Variants in GIT2 observed in about 807,000 individuals in gnomAD.
GIT2 encodes ARF GTPase-activating protein GIT2.
GIT2 carries 32 observed loss-of-function variants against 100.3 expected under a neutral mutation model. That is an observed-to-expected ratio of 0.32 (90% CI 0.24 to 0.43). The LOEUF (loss-of-function observed/expected upper bound fraction) is 0.43, where lower values mean the gene tolerates loss of function less well. Ranked by LOEUF, GIT2 falls within the 20% of genes least tolerant of loss-of-function variation. The pLI is 1.00. For synonymous variants in GIT2, 353 were observed against 364.1 expected (o/e 0.97, Z 0.35); for missense variants, 737 against 975.1 (o/e 0.76, Z 3.25).
intron 18 of GIT2, among the ~76,000 whole-genome samples, chr12:109,935,454 C>T (rs533111807): frequency 4.5e-4 from 68 of 152,244 alleles, no homozygotes; most frequent in African/African-American, 1.4e-3. Context: ...GGTGCAATCT[C>T]GGCTCACTGC....
intron 12 of GIT2, among the ~76,000 whole-genome samples, chr12:109,956,944 G>A (rs1178581267): frequency 6.6e-6 from 1 of 151,954 alleles, no homozygotes; most frequent in Non-Finnish European, 1.5e-5. Flanking sequence ...CTTGAGCCTG[G>A]GTGGCAGAGG....
chr12:109,945,441 C>T (rs1355672495), intron 15 of GIT2, 92 bp from the exon 16 acceptor site: 1 of 717,116 alleles, frequency 1.4e-6, no homozygotes, highest in African/African-American at 1.7e-5. Context: ...TCCTGGAACA[C>T]CACACATTAT....
Position 109,947,331 on chromosome 12 carries a change from C to A in GIT2, c.1566G>T (p.Gln522His). The change falls in exon 15 of 20, where the codon CAG (glutamine) becomes CAT (histidine). Residue 522 changes from glutamine (Q) to histidine (H), a missense_variant. By Grantham distance (24) the Gln-to-His change is conservative. Around this residue, in one of 3 missense-constraint regions of GIT2, gnomAD observed 451 missense variants for 543.7 expected, o/e 0.83. Coordinates refer to ENST00000355312, the MANE Select transcript of GIT2 (RefSeq NM_057169.5). The surrounding 1 kb of genome is among the most constrained non-coding windows in gnomAD (Gnocchi z 4.3). ...CTTCTCCCATTGGGAGATATGGTTT[C>A]TGACCTGATCCGGTCTCGTACATGG... The part of the protein sequence containing the change: ...PMSMYETGSG[Q>H]KPYLPMGEAS... The A allele has an allele frequency of 1.2e-6, 2 of 1,614,134 alleles. No individual in the cohort carries two copies. The highest frequency in any genetic ancestry group is 1.7e-6 in the Non-Finnish European group (2 of 1,179,968).
intron 7 of GIT2, among the ~76,000 whole-genome samples, chr12:109,970,620 C>T (rs1883619702): frequency 2.0e-5 from 3 of 152,042 alleles, no homozygotes; most frequent in Admixed American, 2.0e-4. Flanking sequence ...ATTCTCTATA[C>T]TGTTTCAATG....
intron 18 of GIT2, among the ~76,000 whole-genome samples, chr12:109,935,861 C>G (rs992142127): frequency 1.3e-5 from 2 of 152,204 alleles, no homozygotes; most frequent in African/African-American, 2.4e-5. Flanking sequence ...AAAGCGAGCA[C>G]ACCCGGATTA....
At chr12:109,949,037 A>G (rs1397564479) in intron 14 of GIT2, 1 of 580,440 alleles carries the variant, frequency 1.7e-6, no homozygotes, top group East Asian at 2.9e-5. Flanking sequence ...AAGACCACTC[A>G]TTCTGTTTCT....
rs1352887752 is a variant in GIT2, at chr12:109,961,330, G to A, written c.935C>T (p.Thr312Met). The A allele has an allele frequency of 6.2e-6, 10 of 1,613,360 alleles. No individual in the cohort carries two copies. The highest frequency in any genetic ancestry group is 1.7e-5 in the Admixed American group (1 of 59,986). Residue 312 changes from threonine (T) to methionine (M), a missense_variant, in exon 11 of 20, where the codon ACG becomes ATG. By Grantham distance (81) the Thr-to-Met change is moderately conservative. Coordinates refer to ENST00000355312, the MANE Select transcript of GIT2 (RefSeq NM_057169.5). Reference protein sequence around the residue: ...QNHSALVTETTVVPFLPVNPE... With the variant: ...QNHSALVTETMVVPFLPVNPE... The stretch of plus-strand genomic sequence containing the variant: ...ATTGACCGGAAGAAAGGGGACGACC[G>A]TTGTCTCGGTTACCAGGGCGCTGTG...
intron 7 of GIT2, among the ~76,000 whole-genome samples, chr12:109,979,066 A>C (rs1388242612): frequency 6.6e-6 from 1 of 152,082 alleles, no homozygotes; most frequent in Admixed American, 6.6e-5. Context: ...AAAGACAAGC[A>C]ATCAGGATCC....
chr12:109,962,087 G>A lies in GIT2; in HGVS notation c.817-402C>T, dbSNP rs12303221. Among the ~76,000 whole-genome samples the A allele has an allele frequency of 0.082, 12,516 of 152,220 alleles. 551 individuals are homozygous for A. Among genetic ancestry groups the A allele is most frequent in the Middle Eastern group, 0.13 (37 of 294 alleles). ...TGCAAAAACAGCCAGGCTCAGTGGT[G>A]CACACCTATAATCCCAGCACTTTGG... On this transcript the variant is annotated intron_variant, in intron 9 of 19. Coordinates refer to ENST00000355312, the MANE Select transcript of GIT2 (RefSeq NM_057169.5). This position sits in a 1 kb window ranked among gnomAD's most constrained non-coding sequence, Gnocchi z 4.3.
chr12:109,978,581 T>C (rs541165217), intron 7 of GIT2, among the ~76,000 whole-genome samples: 18 of 152,316 alleles, frequency 1.2e-4, no homozygotes, highest in Non-Finnish European at 2.4e-4. Flanking sequence ...TAATTTCTAG[T>C]GATCTGTTTT....
rs958800073 is a variant in GIT2, at chr12:109,970,949, A to G, written c.719-3446T>C. On this transcript the variant is annotated intron_variant, in intron 7 of 19. Transcript: ENST00000355312. ...AGACCACAGGCATGCACCATCACAC[A>G]TGGCTAATTTATTATTTGTAGAGAT... Among the ~76,000 whole-genome samples, 77 of 152,086 alleles carry G rather than the reference A, an allele frequency of 5.1e-4. 1 individual carries two copies. Among genetic ancestry groups the G allele is most frequent in the Non-Finnish European group, 1.3e-4 (9 of 67,990 alleles).
In GIT2 at chr12:109,939,427, C is replaced by T. The variant is rs1592952085; in HGVS notation, c.1732-180G>A. 3 of 496,608 alleles carry T rather than the reference C, an allele frequency of 6.0e-6. No individual in the cohort carries two copies. The East Asian group carries it at 1.1e-4, about 19-fold the overall frequency. 30.8% of individuals were successfully genotyped at this position (496,608 alleles called of 1,614,324 possible). Reference sequence around the variant, plus strand: ...TGAATATTGGATCCAGAAATGGCCTCTTTCCTTCTTTGCACCATTTTCTTC... The same window carrying T: ...TGAATATTGGATCCAGAAATGGCCTTTTTCCTTCTTTGCACCATTTTCTTC... On this transcript the variant is annotated intron_variant, in intron 16 of 19. Transcript: ENST00000355312.
intron 10 of GIT2, 86 bp from the exon 11 acceptor site, chr12:109,961,461 G>A (rs1881062991): frequency 1.0e-6 from 1 of 975,634 alleles, no homozygotes; most frequent in Non-Finnish European, 1.7e-6. Context: ...ACTACGAGGG[G>A]AAACACACTC....
At position 109,930,034 on chromosome 12, in the gene GIT2, A is replaced by T. The variant is rs1319275758; in HGVS notation, c.*2944T>A. The stretch of plus-strand genomic sequence containing the variant: ...CCAGGACAAGGAAAGAAAGAAAACT[A>T]TACTATTGGAAAGCTCATGGGTGCC... On this transcript the variant is annotated 3_prime_UTR_variant, in exon 20 of 20. Transcript: ENST00000355312. The T allele has an allele frequency of 6.6e-6, 1 of 152,566 alleles. No individual in the cohort carries two copies. Among genetic ancestry groups the T allele is most frequent in the Admixed American group, 6.5e-5 (1 of 15,290 alleles). The allele number at this position is 152,566 out of a possible 1,614,324, so 9.5% of individuals were successfully genotyped here.
At chr12:109,998,259 T>C (rs1354593620), upstream of GIT2, 2 of 152,228 alleles carry the variant, frequency 1.3e-5, no homozygotes, top group Non-Finnish European at 2.9e-5. Flanking sequence ...AGTCTCCGGG[T>C]GCCATCCTGG....
intron 7 of GIT2, among the ~76,000 whole-genome samples, chr12:109,977,176 T>C (rs1412359758): frequency 1.3e-5 from 2 of 152,148 alleles, no homozygotes; most frequent in African/African-American, 4.8e-5. Flanking sequence ...GCTCTTTTCT[T>C]TTAGCACTTT....
In GIT2 at chr12:109,988,974, C is replaced by T. The variant is rs1216776873; in HGVS notation, c.394G>A (p.Asp132Asn). The change falls in exon 4 of 20, where the codon GAT becomes AAT. Residue 132 changes from aspartate to asparagine, a missense_variant. Physicochemically the swap from Asp to Asn is conservative, Grantham distance 23. Coordinates refer to ENST00000355312, the MANE Select transcript of GIT2 (RefSeq NM_057169.5). The stretch of plus-strand genomic sequence containing the variant: ...AAGGTGTGACCCACCTTGCTAAGAT[C>T]TTTGGCAGTCACACTATCGTCATCC... ...CRDDDSVTAKDLSKQLHSSVR... is the reference protein window; with the variant it reads ...CRDDDSVTAKNLSKQLHSSVR... 2 of 1,590,428 alleles carry T rather than the reference C, an allele frequency of 1.3e-6. No individual in the cohort carries two copies.
chr12:109,987,778 A>G (rs949854676), intron 4 of GIT2, among the ~76,000 whole-genome samples: 2 of 152,146 alleles, frequency 1.3e-5, no homozygotes, highest in Non-Finnish European at 2.9e-5. Flanking sequence ...AAAAAGTAAT[A>G]AAAAAAGTTC....
rs1022262983 is a variant in GIT2 at position 109,933,828 on chromosome 12, C to T, written c.2067+194G>A. The T allele has an allele frequency of 1.4e-5, 8 of 552,490 alleles. No homozygotes were observed. Among genetic ancestry groups the T allele is most frequent in the East Asian group, 3.2e-5 (1 of 31,092 alleles). The allele number at this position is 552,490 out of a possible 1,614,324, so 34.2% of individuals were successfully genotyped here. A position where few individuals can be genotyped will look rare whatever the true frequency, so the allele number is the denominator to read the frequency against. ...GTTGGTCAGGCTGGCCTCGAACTCCCGACCTCAGGTGATCTGCCTGTCTCG... is the reference window on the plus strand; with the variant it reads ...GTTGGTCAGGCTGGCCTCGAACTCCTGACCTCAGGTGATCTGCCTGTCTCG... On this transcript the variant is annotated intron_variant, in intron 19 of 19. Coordinates refer to ENST00000355312, the MANE Select transcript of GIT2 (RefSeq NM_057169.5). This position sits in a 1 kb window ranked among gnomAD's most constrained non-coding sequence, Gnocchi z 4.5.
Sources: gnomAD v4.1 joint callset for allele counts (sites outside exome capture counted in the v4.1 genomes callset) on GRCh38, gnomAD v4.1.1 for gene constraint, gnomAD v4.1.1 regional missense constraint, Gnocchi (gnomAD v3.1) non-coding constraint, MANE v1.5 for transcripts, NCBI Gene and HGNC (gene_info 2026-07-23, HGNC 2026-07-21) for gene names.